ANTXR1: variants seen among roughly 807,000 people sequenced by gnomAD.
ANTXR1 encodes the protein ANTXR cell adhesion molecule 1, also known as anthrax toxin receptor 1.
A neutral mutation model predicts 78.1 loss-of-function variants in ANTXR1; 19 were observed. The observed-to-expected ratio is 0.24, with a 90% CI of 0.17 to 0.36. The LOEUF is 0.36. Ranked by LOEUF, ANTXR1 falls within the 10% of genes least tolerant of loss-of-function variation. The pLI is 1.00. For missense variants in ANTXR1, 518 were observed against 718.6 expected (o/e 0.72, Z 3.19); for synonymous variants, 273 against 260.5 (o/e 1.05, Z -0.46).
At chr2:69,231,449 C>T (rs545585200) in intron 17 of ANTXR1, among the ~76,000 whole-genome samples, 108 of 152,240 alleles carry the variant, frequency 7.1e-4, no homozygotes, top group African/African-American at 2.4e-3. Context: ...AAAGGGAAAC[C>T]TACAACTCAT....
chr2:69,049,202 T>G (rs1669859755), intron 3 of ANTXR1, among the ~76,000 whole-genome samples: 2 of 152,158 alleles, frequency 1.3e-5, no homozygotes, highest in Admixed American at 6.6e-5. Flanking sequence ...GAAAAGACCA[T>G]GCATGCAGCC....
In ANTXR1 at chr2:69,102,873, C is replaced by T; in HGVS notation, c.735C>T (p.Gly245=). 6.2e-7 allele frequency: 1 copy of T among 1,614,204 alleles called. No individual in the cohort carries two copies. The highest frequency in any genetic ancestry group is 8.5e-7 in the Non-Finnish European group (1 of 1,180,032). ...ESFQVVVRGN[G]FRHARNVDRV... ...TTCAAGTTGTCGTGAGAGGAAACGGCTTCCGACATGCCCGCAACGTGGACA... is the reference window on the plus strand; with the variant it reads ...TTCAAGTTGTCGTGAGAGGAAACGGTTTCCGACATGCCCGCAACGTGGACA... Residue 245 remains glycine (G), a synonymous_variant, in exon 10 of 18, where the codon GGC becomes GGT. Coordinates refer to ENST00000303714, the MANE Select transcript of ANTXR1 (RefSeq NM_032208.3).
chr2:69,123,953 G>A (rs1414806151), intron 11 of ANTXR1, among the ~76,000 whole-genome samples: 1 of 152,296 alleles, frequency 6.6e-6, no homozygotes, highest in East Asian at 1.9e-4. Flanking sequence ...CTCCAACTCT[G>A]GTTGCCCAGC....
At chr2:69,181,665 A>C in intron 14 of ANTXR1, 121 bp from the exon 15 acceptor site, 1 of 930,706 alleles carries the variant, frequency 1.1e-6, no homozygotes, top group Non-Finnish European at 1.8e-6. Context: ...AAACAGTAGC[A>C]CTGGGATTGC....
intron 9 of ANTXR1, among the ~76,000 whole-genome samples, chr2:69,098,746 G>A (rs892833597): frequency 1.3e-5 from 2 of 152,164 alleles, no homozygotes; most frequent in African/African-American, 4.8e-5. Context: ...AGCATTTTGG[G>A]AGTCTGAGGC....
intron 3 of ANTXR1, among the ~76,000 whole-genome samples, chr2:69,061,664 G>A (rs1441770452): frequency 6.6e-6 from 1 of 152,198 alleles, no homozygotes; most frequent in Non-Finnish European, 1.5e-5. Flanking sequence ...AAGGAGTGAG[G>A]AGACAAGTTT....
chr2:69,118,719 C>G (rs1672238802), intron 10 of ANTXR1, among the ~76,000 whole-genome samples: 1 of 152,200 alleles, frequency 6.6e-6, no homozygotes, highest in Non-Finnish European at 1.5e-5. Context: ...CTGGCACGGC[C>G]CTGGGGCCAA....
rs572244020 is a variant in ANTXR1 at position 69,091,224 on chromosome 2, G to A, written c.703+305G>A. 1.2e-4 allele frequency among the ~76,000 whole-genome samples: 18 copies of A among 152,052 alleles called. No homozygotes were observed. The South Asian group carries it at 3.5e-3, about 30-fold the overall frequency. ...GGAGGCCAAGGCAGGCAGAGCCCTT[G>A]AGGTAAGGAGTTTGAGACCAGCCTG... On this transcript the variant is annotated intron_variant, in intron 9 of 17. Transcript: ENST00000303714.
At chr2:69,076,591 G>T (rs1207834866) in intron 7 of ANTXR1, among the ~76,000 whole-genome samples, 3 of 146,186 alleles carry the variant, frequency 2.1e-5, no homozygotes, top group Non-Finnish European at 4.4e-5. Context: ...ATAGACATTT[G>T]TATGTTCACA....
At chr2:69,212,961 C>T (rs1245957670) in intron 17 of ANTXR1, among the ~76,000 whole-genome samples, 1 of 98,062 alleles carries the variant, frequency 1.0e-5, no homozygotes, top group Admixed American at 1.1e-4. Context: ...TGCACATCAC[C>T]TTTTTTTTTT....
intron 17 of ANTXR1, among the ~76,000 whole-genome samples, chr2:69,226,084 A>G (rs1218613114): frequency 6.6e-6 from 1 of 152,130 alleles, no homozygotes; most frequent in Non-Finnish European, 1.5e-5. Flanking sequence ...TCCCAGCCAC[A>G]TCTCTCAGCC....
intron 14 of ANTXR1, among the ~76,000 whole-genome samples, chr2:69,176,448 TC>T (rs1378236472): frequency 6.6e-6 from 1 of 152,132 alleles, no homozygotes; most frequent in Non-Finnish European, 1.5e-5. Context: ...CCCTGACTTC[TC>T]CCCAAAGACC....
At chr2:69,235,308 C>G (rs1675729870) in intron 17 of ANTXR1, among the ~76,000 whole-genome samples, 1 of 151,968 alleles carries the variant, frequency 6.6e-6, no homozygotes, top group Admixed American at 6.6e-5. Context: ...CAGGCATGAG[C>G]CACCGTGCCC....
chr2:69,238,285 A>C (rs1410684509), intron 17 of ANTXR1, among the ~76,000 whole-genome samples: 1 of 152,218 alleles, frequency 6.6e-6, no homozygotes, highest in Non-Finnish European at 1.5e-5. Flanking sequence ...GCTGGGGTCC[A>C]TTTAACTACT....
chr2:69,055,311 C>A (rs1012269086), intron 3 of ANTXR1, among the ~76,000 whole-genome samples: 1 of 152,106 alleles, frequency 6.6e-6, no homozygotes, highest in African/African-American at 2.4e-5. Context: ...GAAAATATTG[C>A]CTCAACATGA....
chr2:69,102,759 G>T, intron 9 of ANTXR1, 83 bp from the exon 10 acceptor site: 1 of 1,368,766 alleles, frequency 7.3e-7, no homozygotes, highest in South Asian at 1.2e-5. Context: ...GTGAAATAGT[G>T]AACAAATGCT....
chr2:69,090,339 C>A (rs1671191908), intron 8 of ANTXR1, among the ~76,000 whole-genome samples: 1 of 151,810 alleles, frequency 6.6e-6, no homozygotes, highest in Non-Finnish European at 1.5e-5. Flanking sequence ...CATACCATTC[C>A]CTGCCTGGAC....
intron 10 of ANTXR1, among the ~76,000 whole-genome samples, chr2:69,117,045 T>C (rs1672167249): frequency 6.6e-6 from 1 of 152,222 alleles, no homozygotes; most frequent in African/African-American, 2.4e-5. Context: ...TTCCAGAGCA[T>C]GGCTTCATTC....
intron 8 of ANTXR1, 173 bp from the exon 9 acceptor site, chr2:69,090,686 T>C: frequency 1.5e-6 from 1 of 655,962 alleles, no homozygotes; most frequent in Non-Finnish European, 2.8e-6. Context: ...CAATCTGGCT[T>C]AATAAATGTT....
Sources: gnomAD v4.1 joint callset for allele counts (sites outside exome capture counted in the v4.1 genomes callset) on GRCh38, gnomAD v4.1.1 for gene constraint, MANE v1.5 for transcripts, NCBI Gene and HGNC (gene_info 2026-07-23, HGNC 2026-07-21) for gene names.